Variants in SNTG1 observed in about 807,000 individuals in gnomAD.
SNTG1 encodes syntrophin gamma 1.
SNTG1 carries 39 observed loss-of-function variants against 74.7 expected under a neutral mutation model. The observed-to-expected ratio is 0.52, with a 90% CI of 0.40 to 0.68. The LOEUF is 0.68. Among genes scored for constraint, SNTG1 ranks in the 30% least tolerant of loss-of-function variants. The pLI, the probability that SNTG1 is intolerant of heterozygous loss-of-function variation, is 0.00. For missense variants in SNTG1, 685 were observed against 609.5 expected (o/e 1.12, Z -1.30); for synonymous variants, 254 against 217.1 (o/e 1.17, Z -1.49).
intron 2 of SNTG1, among the ~76,000 whole-genome samples, chr8:50,261,582 G>A (rs1349677854): frequency 6.6e-6 from 1 of 152,060 alleles, no homozygotes. Context: ...AATGTACCCA[G>A]TGGATATAAT....
intron 1 of SNTG1, among the ~76,000 whole-genome samples, chr8:49,939,452 A>T (rs1292022426): frequency 1.3e-5 from 2 of 152,158 alleles, no homozygotes; most frequent in African/African-American, 4.8e-5. Flanking sequence ...GCAATGTACT[A>T]CACTTTGTTT....
At chr8:50,674,157 C>A (rs755970857) in intron 15 of SNTG1, among the ~76,000 whole-genome samples, 10 of 151,956 alleles carry the variant, frequency 6.6e-5, no homozygotes, top group Non-Finnish European at 1.3e-4. Flanking sequence ...GTGTCTCTTT[C>A]CAGTTTTGGT....
chr8:50,455,170 T>C (rs1587686197), intron 8 of SNTG1, among the ~76,000 whole-genome samples: 1 of 152,156 alleles, frequency 6.6e-6, no homozygotes, highest in South Asian at 2.1e-4. Context: ...GTAAAAAGCA[T>C]CCTGGTTCTA....
rs776075429 is a variant in SNTG1, at chr8:50,656,973, C to T, written c.914C>T (p.Pro305Leu). ...CCCCTCCAGGACAGAGTGTACTCCCCGACCTTCCTGGCCCTGAGGGGCTCA... is the reference window on the plus strand; with the variant it reads ...CCCCTCCAGGACAGAGTGTACTCCCTGACCTTCCTGGCCCTGAGGGGCTCA... Reference protein sequence around the residue: ...QDPLQDRVYSPTFLALRGSCL... With the variant: ...QDPLQDRVYSLTFLALRGSCL... The change falls in exon 14 of 19, where the codon CCG becomes CTG. Residue 305 changes from proline (P) to leucine (L), a missense_variant. Pro to Leu is a moderately conservative substitution (Grantham distance 98, BLOSUM62 -3). Transcript: ENST00000642720. 13 of 1,596,132 alleles carry T rather than the reference C, an allele frequency of 8.1e-6. No homozygotes were observed. Among genetic ancestry groups the T allele is most frequent in the African/African-American group, 1.4e-5 (1 of 74,024 alleles).
chr8:50,108,214 G>A (rs192793292), intron 1 of SNTG1, among the ~76,000 whole-genome samples: 1 of 152,250 alleles, frequency 6.6e-6, no homozygotes, highest in Admixed American at 6.5e-5. Context: ...GAAAGATAGA[G>A]CAATTATTTT....
At chr8:50,422,519 A>G (rs879039176) in intron 4 of SNTG1, among the ~76,000 whole-genome samples, 4 of 152,160 alleles carry the variant, frequency 2.6e-5, no homozygotes, top group Non-Finnish European at 5.9e-5. Flanking sequence ...AAAGAGTTTA[A>G]TTGACATGAG....
In SNTG1 at chr8:50,450,542, T is replaced by A. The variant is rs1365160096; in HGVS notation, c.278-14T>A. 6.2e-7 allele frequency: 1 copy of A among 1,613,138 alleles called. No homozygotes were observed. Among genetic ancestry groups the A allele is most frequent in the East Asian group, 2.2e-5 (1 of 44,738 alleles). ...ACAGTCAATGCATTATCAATTGTGC[T>A]TTTTCATTCACAGCGGAACTTTCAG... On this transcript the variant is annotated splice_polypyrimidine_tract_variant and intron_variant, in intron 6 of 18. Coordinates refer to ENST00000642720, the MANE Select transcript of SNTG1 (RefSeq NM_018967.5).
intron 2 of SNTG1, among the ~76,000 whole-genome samples, chr8:50,264,687 T>C (rs2087373586): frequency 6.6e-6 from 1 of 150,978 alleles, no homozygotes; most frequent in South Asian, 2.1e-4. Flanking sequence ...AGAAAAATAA[T>C]TAAAAAAAAT....
chr8:50,316,889 T>C (rs760515214), intron 2 of SNTG1, among the ~76,000 whole-genome samples: 7 of 152,118 alleles, frequency 4.6e-5, no homozygotes, highest in Non-Finnish European at 7.4e-5. Context: ...TACTGGAAAA[T>C]GTTTAAAAAA....
At chr8:49,984,621 T>C (rs953237796) in intron 1 of SNTG1, among the ~76,000 whole-genome samples, 3 of 152,222 alleles carry the variant, frequency 2.0e-5, no homozygotes, top group Non-Finnish European at 4.4e-5. Flanking sequence ...ACTTGTATTG[T>C]TTGTTGTAAA....
At chr8:50,115,874 G>A (rs967658611) in intron 1 of SNTG1, among the ~76,000 whole-genome samples, 5 of 151,712 alleles carry the variant, frequency 3.3e-5, no homozygotes, top group South Asian at 2.1e-4. Context: ...ACCACCCACC[G>A]CCCCCCAACC....
intron 17 of SNTG1, among the ~76,000 whole-genome samples, chr8:50,724,040 G>A (rs1025540237): frequency 8.5e-5 from 13 of 152,064 alleles, no homozygotes; most frequent in South Asian, 2.1e-4. Context: ...AAGAGGGAGC[G>A]AGAGAATAAA....
chr8:50,360,222 G>T (rs1052712493), intron 2 of SNTG1, among the ~76,000 whole-genome samples: 1 of 151,748 alleles, frequency 6.6e-6, no homozygotes, highest in Non-Finnish European at 1.5e-5. Context: ...AACAAACTTC[G>T]CAGTGAATTA....
At chr8:50,647,239 G>T (rs945567070) in intron 13 of SNTG1, among the ~76,000 whole-genome samples, 1 of 152,020 alleles carries the variant, frequency 6.6e-6, no homozygotes, top group African/African-American at 2.4e-5. Flanking sequence ...AAAATCATCT[G>T]CTCTATGAAT....
intron 1 of SNTG1, among the ~76,000 whole-genome samples, chr8:50,086,828 G>A (rs1822930226): frequency 6.6e-6 from 1 of 152,148 alleles, no homozygotes; most frequent in Non-Finnish European, 1.5e-5. Flanking sequence ...TATATATTGT[G>A]TAAAGTACTG....
chr8:50,238,090 A>C (rs2085997914), intron 2 of SNTG1, among the ~76,000 whole-genome samples: 1 of 152,168 alleles, frequency 6.6e-6, no homozygotes, highest in Non-Finnish European at 1.5e-5. Context: ...TCTAGATTCA[A>C]TGCTATTCCT....
intron 2 of SNTG1, among the ~76,000 whole-genome samples, chr8:50,205,817 A>G (rs2084203038): frequency 1.3e-5 from 2 of 152,190 alleles, no homozygotes; most frequent in Non-Finnish European, 2.9e-5. Context: ...CCATTTGTTA[A>G]GTAGGGAATC....
intron 15 of SNTG1, among the ~76,000 whole-genome samples, chr8:50,680,800 T>C (rs566200462): frequency 6.6e-6 from 1 of 152,110 alleles, no homozygotes; most frequent in Non-Finnish European, 1.5e-5. Context: ...CAGATCCAGG[T>C]ATGTGCTCGC....
chr8:50,665,978 T>TCATTAAAG (rs2095249141), intron 15 of SNTG1, among the ~76,000 whole-genome samples: 1 of 152,074 alleles, frequency 6.6e-6, no homozygotes, highest in Non-Finnish European at 1.5e-5. Flanking sequence ...AGTGAACACT[T>TCATTAAAG]CATTAAAGCA....
Sources: allele counts gnomAD v4.1 joint callset (sites outside exome capture counted in the v4.1 genomes callset), GRCh38; gene constraint gnomAD v4.1.1; transcripts MANE v1.5; gene names NCBI Gene and HGNC (gene_info 2026-07-23, HGNC 2026-07-21).